The following TMEM132D variants were observed in gnomAD, a reference collection of about 807,000 sequenced individuals.
TMEM132D encodes the protein transmembrane protein 132D.
Under a neutral mutation model 62.3 loss-of-function variants are expected in TMEM132D, and 21 were observed. The ratio of observed to expected loss-of-function variants is 0.34; its 90% CI spans 0.24 to 0.49. The LOEUF is 0.49. Ranked by LOEUF, TMEM132D falls within the 20% of genes least tolerant of loss-of-function variation. The probability of loss-of-function intolerance (pLI) is 0.99; values close to 1 mark genes in which losing one functional copy is unlikely to be tolerated. For synonymous variants in TMEM132D, 621 were observed against 575.6 expected (o/e 1.08, Z -1.13); for missense variants, 1,346 against 1,402.8 (o/e 0.96, Z 0.65).
intron 1 of TMEM132D, among the ~76,000 whole-genome samples, chr12:129,863,610 C>T (rs1873966424): frequency 6.6e-6 from 1 of 152,152 alleles, no homozygotes; most frequent in South Asian, 2.1e-4. Flanking sequence ...CCGTATAAAG[C>T]TTGTGTCCTA....
intron 5 of TMEM132D, among the ~76,000 whole-genome samples, chr12:129,168,076 C>T (rs916991693): frequency 6.6e-6 from 1 of 152,162 alleles, no homozygotes; most frequent in Admixed American, 6.5e-5. Context: ...GATAAAATGA[C>T]AAGTTCAGAG....
chr12:129,850,208 G>A (rs1198965262), intron 1 of TMEM132D, among the ~76,000 whole-genome samples: 1 of 152,168 alleles, frequency 6.6e-6, no homozygotes, highest in East Asian at 1.9e-4. Context: ...TTTTTGCAAA[G>A]CTCCAATCTG....
chr12:129,225,557 T>C (rs1227342603), intron 4 of TMEM132D, among the ~76,000 whole-genome samples: 2 of 152,236 alleles, frequency 1.3e-5, no homozygotes, highest in African/African-American at 4.8e-5. Context: ...GCAGCTCATT[T>C]TTCTTATCTG....
intron 4 of TMEM132D, among the ~76,000 whole-genome samples, chr12:129,282,194 A>C (rs1227671699): frequency 6.6e-6 from 1 of 152,196 alleles, no homozygotes; most frequent in East Asian, 1.9e-4. Flanking sequence ...CTGAGAAGGC[A>C]GCTACTACTT....
chr12:129,393,403 G>A (rs1478626636), intron 3 of TMEM132D, among the ~76,000 whole-genome samples: 1 of 152,178 alleles, frequency 6.6e-6, no homozygotes, highest in East Asian at 1.9e-4. Context: ...AAATTTAGAT[G>A]CAGTGGCTTC....
intron 2 of TMEM132D, among the ~76,000 whole-genome samples, chr12:129,638,192 C>T (rs891786728): frequency 1.5e-4 from 23 of 152,134 alleles, no homozygotes; most frequent in African/African-American, 4.8e-4. Context: ...TGGCTGGAGC[C>T]ATGTGTCCTT....
At chr12:129,592,579 G>C (rs866943294) in intron 2 of TMEM132D, among the ~76,000 whole-genome samples, 7 of 152,308 alleles carry the variant, frequency 4.6e-5, no homozygotes, top group Admixed American at 6.5e-5. Context: ...AACAAGCTAA[G>C]CATATCCTAG....
rs866700477 is a variant in TMEM132D, at chr12:129,903,954, G to T, written c.-615C>A. Among the ~76,000 whole-genome samples, 31 of 148,322 alleles carry T rather than the reference G, an allele frequency of 2.1e-4. No homozygotes were observed. In the South Asian group the frequency reaches 5.8e-3, roughly 28 times the overall value. On this transcript the variant is annotated 5_prime_UTR_variant, in exon 1 of 9. Coordinates refer to ENST00000422113, the MANE Select transcript of TMEM132D (RefSeq NM_133448.3). The surrounding 1 kb of genome is among the most constrained non-coding windows in gnomAD (Gnocchi z 6.2). Reference sequence around the variant, plus strand: ...AGTTTGGCGGGTGCGGCTGCTCCCCGGCCGCCGCCTCGGCCCGCCCGGCCC... The same window carrying T: ...AGTTTGGCGGGTGCGGCTGCTCCCCTGCCGCCGCCTCGGCCCGCCCGGCCC...
chr12:129,523,724 A>G (rs1468838024), intron 3 of TMEM132D, among the ~76,000 whole-genome samples: 2 of 152,230 alleles, frequency 1.3e-5, no homozygotes, highest in Non-Finnish European at 2.9e-5. Context: ...ACACTCCCTC[A>G]TTGCTACTGT....
chr12:129,100,789 C>T (rs1875280550), intron 5 of TMEM132D, among the ~76,000 whole-genome samples: 1 of 152,216 alleles, frequency 6.6e-6, no homozygotes, highest in Admixed American at 6.5e-5. Context: ...CTAAGACTCC[C>T]TTGGCCAGTA....
At chr12:129,556,502 C>A (rs1271506370) in intron 2 of TMEM132D, among the ~76,000 whole-genome samples, 3 of 151,688 alleles carry the variant, frequency 2.0e-5, no homozygotes, top group African/African-American at 7.3e-5. Flanking sequence ...TAGTGAGAAG[C>A]AGAGGGTTGT....
intron 3 of TMEM132D, among the ~76,000 whole-genome samples, chr12:129,448,078 G>T (rs1374858068): frequency 6.6e-6 from 1 of 152,124 alleles, no homozygotes; most frequent in African/African-American, 2.4e-5. Flanking sequence ...ATGCATGAGG[G>T]AATATGGCCC....
chr12:129,350,664 G>C (rs1013870672), intron 3 of TMEM132D, among the ~76,000 whole-genome samples: 4 of 152,162 alleles, frequency 2.6e-5, no homozygotes, highest in Non-Finnish European at 4.4e-5. Context: ...CAAACTGTTG[G>C]GTATGTGGAG....
At chr12:129,145,154 G>T (rs1876856733) in intron 5 of TMEM132D, among the ~76,000 whole-genome samples, 2 of 152,076 alleles carry the variant, frequency 1.3e-5, no homozygotes, top group South Asian at 4.1e-4. Context: ...GTTATAAAAA[G>T]TAAGACTTCC....
At chr12:129,815,216 T>G (rs140714611) in intron 1 of TMEM132D, among the ~76,000 whole-genome samples, 55 of 152,320 alleles carry the variant, frequency 3.6e-4, no homozygotes, top group African/African-American at 1.1e-3. Flanking sequence ...ACGCAGCTAT[T>G]AAGAGAGTAA....
intron 4 of TMEM132D, among the ~76,000 whole-genome samples, chr12:129,240,317 G>C (rs979613940): frequency 6.6e-6 from 1 of 152,118 alleles, no homozygotes; most frequent in Non-Finnish European, 1.5e-5. Flanking sequence ...ATATAAGTTT[G>C]TTCAATGATA....
intron 3 of TMEM132D, among the ~76,000 whole-genome samples, chr12:129,347,037 A>G (rs893897341): frequency 6.6e-6 from 1 of 152,130 alleles, no homozygotes; most frequent in Non-Finnish European, 1.5e-5. Context: ...ACTACAAACT[A>G]CTGCACAAGG....
intron 2 of TMEM132D, among the ~76,000 whole-genome samples, chr12:129,605,030 T>C (rs1878577421): frequency 6.6e-6 from 1 of 152,230 alleles, no homozygotes. Flanking sequence ...TTCCTGTTCA[T>C]TGTATAGATA....
chr12:129,266,454 A>C (rs1344498223), intron 4 of TMEM132D, among the ~76,000 whole-genome samples: 64 of 108,456 alleles, frequency 5.9e-4, no homozygotes, highest in South Asian at 1.2e-3. Context: ...TTCTTTTCTC[A>C]CCTCCACTTC....
Sources: allele counts gnomAD v4.1 joint callset (sites outside exome capture counted in the v4.1 genomes callset), GRCh38; gene constraint gnomAD v4.1.1; non-coding constraint Gnocchi (gnomAD v3.1); transcripts MANE v1.5; gene names NCBI Gene and HGNC (gene_info 2026-07-23, HGNC 2026-07-21).